The following WDR5 variants were observed in gnomAD, a reference collection of about 807,000 sequenced individuals.
WDR5 encodes WD repeat-containing protein 5.
For missense variants in WDR5, 187 were observed against 416.9 expected (o/e 0.45, Z 4.80); for synonymous variants, 144 against 161.6 (o/e 0.89, Z 0.83).
In WDR5 at chr9:134,142,429, G is replaced by A; in HGVS notation, c.444+7G>A. 2 of 1,614,018 alleles carry A rather than the reference G, an allele frequency of 1.2e-6. No homozygotes were observed. Among genetic ancestry groups the A allele is most frequent in the Non-Finnish European group, 1.7e-6 (2 of 1,179,854 alleles). On this transcript the variant is annotated splice_region_variant and intron_variant, in intron 6 of 13. Transcript: ENST00000358625. ...CCTTATTGTCTCAGGATCCGTAAGT[G>A]TGGCTGGGGTGTCTTCCCTGGGGGA...
rs1478316585 is a variant in WDR5 at position 134,158,316 on chromosome 9, T to G, written c.*323T>G. ...TTCAATTTAACATGCGTTGTGTTTT[T>G]TCAGTAAACGTTCTGTATCTTTTTG... On this transcript the variant is annotated 3_prime_UTR_variant, in exon 14 of 14. Coordinates refer to ENST00000358625, the MANE Select transcript of WDR5 (RefSeq NM_017588.3). 1 of 215,856 alleles carries G rather than the reference T, an allele frequency of 4.6e-6. No homozygotes were observed. Among genetic ancestry groups the G allele is most frequent in the African/African-American group, 2.3e-5 (1 of 43,218 alleles). 13.4% of individuals were successfully genotyped at this position (215,856 alleles called of 1,614,324 possible).
chr9:134,141,637 G>A, intron 4 of WDR5, 54 bp downstream of exon 4: 3 of 1,578,254 alleles, frequency 1.9e-6, no homozygotes, highest in Admixed American at 1.7e-5. Context: ...TGGCTCTAGT[G>A]ATCAAGGGGT....
chr9:134,137,922 T>C (rs1588166499), intron 1 of WDR5, among the ~76,000 whole-genome samples: 2 of 152,242 alleles, frequency 1.3e-5, no homozygotes, highest in East Asian at 3.9e-4. Flanking sequence ...TCTGTATTTT[T>C]AGTAGGGAGG....
intron 9 of WDR5, among the ~76,000 whole-genome samples, chr9:134,153,603 G>A (rs765283522): frequency 2.6e-5 from 4 of 152,236 alleles, no homozygotes; most frequent in Non-Finnish European, 4.4e-5. Flanking sequence ...AGCGTCTCCC[G>A]TGCCTTTTCA....
intron 8 of WDR5, among the ~76,000 whole-genome samples, chr9:134,150,376 G>A (rs566483745): frequency 1.4e-4 from 21 of 152,316 alleles, no homozygotes; most frequent in Non-Finnish European, 2.5e-4. Context: ...TCAAAAAGGC[G>A]CCTGATTGAT....
At chr9:134,139,263 C>T (rs1359610823) in intron 1 of WDR5, among the ~76,000 whole-genome samples, 1 of 152,140 alleles carries the variant, frequency 6.6e-6, no homozygotes. Flanking sequence ...AAGGCAGCCT[C>T]GGGCCAGCAG....
chr9:134,139,600 A>T (rs1285394717), intron 1 of WDR5, among the ~76,000 whole-genome samples: 1 of 152,130 alleles, frequency 6.6e-6, no homozygotes, highest in Non-Finnish European at 1.5e-5. Flanking sequence ...GTCTTTCATT[A>T]TGATGACAAA....
intron 9 of WDR5, among the ~76,000 whole-genome samples, chr9:134,153,443 GGCT>G (rs1832592445): frequency 6.6e-6 from 1 of 152,238 alleles, no homozygotes; most frequent in Non-Finnish European, 1.5e-5. Context: ...ATCTCTGTGA[GGCT>G]CTGCCCAGGC....
chr9:134,148,211 T>TTTTA, intron 7 of WDR5, 77 bp from the exon 8 acceptor site: 1 of 290,354 alleles, frequency 3.4e-6, no homozygotes. Context: ...TTTTTTTTTT[T>TTTTA]GAGATCAGGT....
At chr9:134,149,016 A>G (rs1832356086) in intron 8 of WDR5, among the ~76,000 whole-genome samples, 1 of 152,144 alleles carries the variant, frequency 6.6e-6, no homozygotes, top group Non-Finnish European at 1.5e-5. Flanking sequence ...CAGATTGGTC[A>G]CTGGGGAGGA....
chr9:134,152,827 C>T (rs1832562834), intron 9 of WDR5, among the ~76,000 whole-genome samples: 1 of 152,196 alleles, frequency 6.6e-6, no homozygotes, highest in African/African-American at 2.4e-5. Flanking sequence ...CCCCGCAGTC[C>T]AGGAGGCTGT....
In WDR5 at chr9:134,145,096, G is replaced by GTTTTTTTTTTTT. The variant is rs56864188; in HGVS notation, c.528+2386_528+2397dup. Among the ~76,000 whole-genome samples, 111 of 104,718 alleles carry GTTTTTTTTTTTT rather than the reference G, an allele frequency of 1.1e-3. 6 individuals carry two copies. Among genetic ancestry groups the GTTTTTTTTTTTT allele is most frequent in the East Asian group, 2.0e-3 (6 of 3,034 alleles). The allele number at this position is 104,718 out of a possible 152,430, so 68.7% of individuals were successfully genotyped here. A position where few individuals can be genotyped will look rare whatever the true frequency, so the allele number is the denominator to read the frequency against. ...ACTGCAGAGAGGTTTGTGGGGCTTT[G>GTTTTTTTTTTTT]TTTTTTTTTTTTTTTTTTTTGAAAC... On this transcript the variant is annotated intron_variant, in intron 7 of 13. Transcript: ENST00000358625.
At chr9:134,156,094 C>T (rs375628063) in intron 12 of WDR5, among the ~76,000 whole-genome samples, 15 of 152,234 alleles carry the variant, frequency 9.9e-5, no homozygotes, top group East Asian at 5.8e-4. Context: ...CCGGGGCTGT[C>T]GTCCACCGGC....
chr9:134,153,704 C>G (rs1048102885), intron 9 of WDR5, among the ~76,000 whole-genome samples: 3 of 151,792 alleles, frequency 2.0e-5, no homozygotes, highest in African/African-American at 4.9e-5. Flanking sequence ...CCGTGTCCTT[C>G]CCGGTGCTCG....
intron 9 of WDR5, among the ~76,000 whole-genome samples, chr9:134,153,714 G>A (rs947342173): frequency 1.3e-5 from 2 of 151,926 alleles, no homozygotes; most frequent in African/African-American, 4.9e-5. Flanking sequence ...CCCGGTGCTC[G>A]GGACACACCA....
intron 1 of WDR5, 145 bp downstream of exon 1, chr9:134,136,345 G>C (rs1588164744): frequency 6.7e-6 from 1 of 150,078 alleles, no homozygotes; most frequent in African/African-American, 2.4e-5. Context: ...CCGCTGCAGC[G>C]GCCCCGCCCG....
At chr9:134,140,107 C>G in intron 2 of WDR5, 149 bp downstream of exon 2, 2 of 927,624 alleles carry the variant, frequency 2.2e-6, no homozygotes, top group Non-Finnish European at 3.3e-6. Context: ...CTGGCGAATG[C>G]TTGTTGCCTG....
upstream of WDR5, chr9:134,135,677 A>T (rs1169116311): frequency 2.6e-5 from 4 of 151,916 alleles, no homozygotes; most frequent in Non-Finnish European, 5.9e-5. Context: ...CATCCGTACC[A>T]GCGATGATCA....
intron 1 of WDR5, among the ~76,000 whole-genome samples, chr9:134,137,287 C>A (rs1029715373): frequency 1.3e-5 from 2 of 152,150 alleles, no homozygotes; most frequent in African/African-American, 4.8e-5. Flanking sequence ...AATTCATCAC[C>A]GTTCCCGTAA....
Sources: allele counts gnomAD v4.1 joint callset (sites outside exome capture counted in the v4.1 genomes callset), GRCh38; gene constraint gnomAD v4.1.1; transcripts MANE v1.5; gene names NCBI Gene and HGNC (gene_info 2026-07-23, HGNC 2026-07-21).